ERC2: variants seen among roughly 807,000 people sequenced by gnomAD.
ERC2 encodes ERC protein 2.
In ERC2, 42 loss-of-function variants were observed where a neutral mutation model predicts 114.8. That is an observed-to-expected ratio of 0.37 (90% CI 0.29 to 0.47). ERC2 has a LOEUF of 0.47. ERC2 is among the 20% of genes least tolerant of loss of function. The pLI is 0.99. For missense variants in ERC2, 939 were observed against 1,150.7 expected (o/e 0.82, Z 2.66); for synonymous variants, 454 against 425.5 (o/e 1.07, Z -0.82).
chr3:56,299,474 G>T (rs1295569111), intron 2 of ERC2, among the ~76,000 whole-genome samples: 1 of 150,294 alleles, frequency 6.7e-6, no homozygotes, highest in East Asian at 1.9e-4. Flanking sequence ...TCAGTCCCCA[G>T]GCTGAAGTGC....
At chr3:55,631,884 C>T (rs548982953) in intron 17 of ERC2, among the ~76,000 whole-genome samples, 4 of 152,336 alleles carry the variant, frequency 2.6e-5, no homozygotes, top group African/African-American at 9.6e-5. Flanking sequence ...TGTGGCATTC[C>T]ACTTCTATTA....
intron 2 of ERC2, among the ~76,000 whole-genome samples, chr3:56,422,323 G>A (rs958661702): frequency 6.6e-6 from 1 of 152,038 alleles, no homozygotes; most frequent in Non-Finnish European, 1.5e-5. Context: ...CACCTGAAAG[G>A]GTCTGCCAGG....
At chr3:55,806,328 CA>C (rs58267124) in intron 14 of ERC2, among the ~76,000 whole-genome samples, 17,202 of 111,050 alleles carry the variant, frequency 0.15, 1,136 homozygotes, top group South Asian at 0.28. Flanking sequence ...AACTCCTTCT[CA>C]AAAAAAAAAA....
In ERC2 at chr3:56,073,721, G is replaced by A. The variant is rs117812218; in HGVS notation, c.1641+7096C>T. On this transcript the variant is annotated intron_variant, in intron 7 of 17. Coordinates refer to ENST00000288221, the MANE Select transcript of ERC2 (RefSeq NM_015576.3). The stretch of plus-strand genomic sequence containing the variant: ...TCTCCCAACTCAAGAGTTCACCTTC[G>A]TCTAGTCCAGGAAAGCTGCTTACAT... Among the ~76,000 whole-genome samples, 22 of 152,262 alleles carry A rather than the reference G, an allele frequency of 1.4e-4. No homozygotes were observed. In the East Asian group the frequency reaches 2.7e-3, roughly 19 times the overall value.
chr3:56,451,319 TATAGGCATAATCAC>T (rs2062820320), intron 1 of ERC2, among the ~76,000 whole-genome samples: 1 of 152,004 alleles, frequency 6.6e-6, no homozygotes, highest in Non-Finnish European at 1.5e-5. Context: ...TAGAAAAGAA[TATAGGCATAATCAC>T]ATACGTGAGG....
intron 4 of ERC2, among the ~76,000 whole-genome samples, chr3:56,168,957 TA>T (rs887607432): frequency 1.3e-5 from 2 of 151,154 alleles, no homozygotes; most frequent in Non-Finnish European, 3.0e-5. Flanking sequence ...TATTTCCAAT[TA>T]AAAAAAAAGC....
intron 14 of ERC2, among the ~76,000 whole-genome samples, chr3:55,738,420 C>T (rs1330951190): frequency 6.6e-6 from 1 of 152,064 alleles, no homozygotes; most frequent in Non-Finnish European, 1.5e-5. Flanking sequence ...ACATTTAAAA[C>T]TTGTAAGTTA....
intron 1 of ERC2, among the ~76,000 whole-genome samples, chr3:56,462,338 C>CA (rs945591571): frequency 2.0e-5 from 3 of 152,206 alleles, no homozygotes; most frequent in Non-Finnish European, 4.4e-5. Flanking sequence ...TGGGTTCACT[C>CA]AATTCCATTA....
At chr3:55,713,468 C>T (rs1381063043) in intron 15 of ERC2, among the ~76,000 whole-genome samples, 2 of 152,228 alleles carry the variant, frequency 1.3e-5, no homozygotes, top group Admixed American at 6.5e-5. Flanking sequence ...TGGCCCACCT[C>T]GGCCTCCCAA....
intron 7 of ERC2, among the ~76,000 whole-genome samples, chr3:56,047,363 A>C (rs956012916): frequency 3.1e-4 from 47 of 152,348 alleles, no homozygotes; most frequent in African/African-American, 1.1e-3. Flanking sequence ...ATCCAGATGT[A>C]TCCATAGGTG....
At chr3:55,655,301 A>C (rs2148691006) in intron 17 of ERC2, among the ~76,000 whole-genome samples, 1 of 152,160 alleles carries the variant, frequency 6.6e-6, no homozygotes, top group East Asian at 1.9e-4. Flanking sequence ...CATCCTTGTC[A>C]TGTAGTACAA....
intron 14 of ERC2, among the ~76,000 whole-genome samples, chr3:55,869,474 GA>G (rs1259370362): frequency 6.6e-6 from 1 of 152,026 alleles, no homozygotes; most frequent in Non-Finnish European, 1.5e-5. Flanking sequence ...TTCACCATTT[GA>G]ATATTTTTTT....
intron 4 of ERC2, among the ~76,000 whole-genome samples, chr3:56,163,798 T>A (rs895034844): frequency 9.2e-5 from 14 of 152,158 alleles, no homozygotes; most frequent in Non-Finnish European, 1.6e-4. Context: ...AGCAGACAGA[T>A]AAATCTTGTC....
chr3:56,437,316 C>T (rs1164321840), intron 1 of ERC2, among the ~76,000 whole-genome samples: 1 of 152,216 alleles, frequency 6.6e-6, no homozygotes, highest in African/African-American at 2.4e-5. Context: ...ACTGCCTAGC[C>T]AACCAGCCAC....
At chr3:56,076,247 G>A (rs1222574356) in intron 7 of ERC2, among the ~76,000 whole-genome samples, 1 of 152,124 alleles carries the variant, frequency 6.6e-6, no homozygotes, top group Non-Finnish European at 1.5e-5. Flanking sequence ...GGCCTAGAAA[G>A]AAAATGGAGA....
intron 14 of ERC2, among the ~76,000 whole-genome samples, chr3:55,790,548 GA>G (rs2069917143): frequency 6.6e-6 from 1 of 152,180 alleles, no homozygotes; most frequent in African/African-American, 2.4e-5. Flanking sequence ...AGGAGCACCA[GA>G]AGTTAATGCT....
chr3:56,319,819 C>G (rs1028430518), intron 2 of ERC2, among the ~76,000 whole-genome samples: 6 of 151,918 alleles, frequency 3.9e-5, no homozygotes, highest in Non-Finnish European at 5.9e-5. Context: ...AAAAACAAAC[C>G]AACAACAGCA....
intron 14 of ERC2, among the ~76,000 whole-genome samples, chr3:55,776,392 G>C (rs186575048): frequency 6.6e-6 from 1 of 152,264 alleles, no homozygotes. Flanking sequence ...ATGTGACTAA[G>C]GATGGAGCAG....
intron 7 of ERC2, among the ~76,000 whole-genome samples, chr3:56,055,802 T>C (rs2075987651): frequency 6.6e-6 from 1 of 152,198 alleles, no homozygotes; most frequent in South Asian, 2.1e-4. Flanking sequence ...CTCCCCTCTC[T>C]CTATCTGCAC....
Sources: allele counts gnomAD v4.1 joint callset (sites outside exome capture counted in the v4.1 genomes callset), GRCh38; gene constraint gnomAD v4.1.1; transcripts MANE v1.5; gene names NCBI Gene and HGNC (gene_info 2026-07-23, HGNC 2026-07-21).